The following COL4A2 variants were observed in gnomAD, a reference collection of about 807,000 sequenced individuals.
COL4A2 encodes collagen type IV alpha 2 chain.
A neutral mutation model predicts 200.2 loss-of-function variants in COL4A2; 99 were observed. The observed-to-expected ratio is 0.49, with a 90% CI of 0.42 to 0.58. COL4A2 has a LOEUF of 0.58. Among genes scored for constraint, COL4A2 ranks in the 20% least tolerant of loss-of-function variants. The pLI, the probability that COL4A2 is intolerant of heterozygous loss-of-function variation, is 0.00. For synonymous variants in COL4A2, 897 were observed against 900.6 expected, an observed-to-expected ratio of 1.00 and a Z score of 0.07; for missense variants, 1,950 against 2,314.1, an observed-to-expected ratio of 0.84 and a Z score of 3.23.
intron 40 of COL4A2, 119 bp from the exon 41 acceptor site, chr13:110,501,549 C>A: frequency 1.1e-6 from 1 of 926,628 alleles, no homozygotes; most frequent in Non-Finnish European, 1.7e-6. Context: ...GGGCACCTCC[C>A]ATCACTGTCT....
chr13:110,506,316 T>C (rs1388213767), intron 45 of COL4A2, 99 bp from the exon 46 acceptor site: 3 of 1,310,268 alleles, frequency 2.3e-6, no homozygotes, highest in African/African-American at 3.0e-5. Flanking sequence ...ACTCTCTCTC[T>C]CTCTCTCAGG....
intron 4 of COL4A2, among the ~76,000 whole-genome samples, chr13:110,421,431 G>A (rs1206668330): frequency 6.6e-6 from 1 of 152,180 alleles, no homozygotes; most frequent in Non-Finnish European, 1.5e-5. Flanking sequence ...CAGTGAATGA[G>A]GTAATGAACC....
At chr13:110,435,383 T>A (rs1337770690) in intron 12 of COL4A2, among the ~76,000 whole-genome samples, 1 of 152,122 alleles carries the variant, frequency 6.6e-6, no homozygotes, top group East Asian at 1.9e-4. Context: ...ATAATGGAGA[T>A]GAAGTTAGAG....
chr13:110,459,928 C>T (rs1178482482), intron 22 of COL4A2, among the ~76,000 whole-genome samples: 2 of 152,188 alleles, frequency 1.3e-5, no homozygotes, highest in South Asian at 2.1e-4. Flanking sequence ...CACACATCAG[C>T]TCATGGCCTT....
Position 110,478,021 on chromosome 13 carries a change from G to T in COL4A2, c.2444G>T (p.Gly815Val). ...PGFRGSQGMP[G>V]MPGLKGQPGL... ...CCTGCAGGAAGCCAAGGGATGCCTG[G>T]GATGCCAGGGCTGAAGGGCCAGCCA... Residue 815 changes from glycine (G) to valine (V), a missense_variant, in exon 30 of 48, where the codon GGG (glycine) becomes GTG (valine). Gly to Val is a moderately radical substitution (Grantham distance 109). This residue lies in a region of COL4A2 where 1,385 missense variants were observed against 1,720.5 expected (regional missense o/e 0.80). Transcript: ENST00000360467. 1 of 1,573,920 alleles carries T rather than the reference G, an allele frequency of 6.4e-7. No individual in the cohort carries two copies. Among genetic ancestry groups the T allele is most frequent in the Non-Finnish European group, 8.6e-7 (1 of 1,156,494 alleles).
chr13:110,312,297 C>T (rs552381602), intron 3 of COL4A2, among the ~76,000 whole-genome samples: 1 of 152,156 alleles, frequency 6.6e-6, no homozygotes, highest in South Asian at 2.1e-4. Flanking sequence ...GAAGGGTAAA[C>T]CGAAAAGCGC....
intron 28 of COL4A2, among the ~76,000 whole-genome samples, chr13:110,471,851 C>A (rs1283524445): frequency 1.3e-5 from 2 of 152,146 alleles, no homozygotes; most frequent in Non-Finnish European, 2.9e-5. Flanking sequence ...TTGATCTTGT[C>A]CCACAGAATC....
intron 40 of COL4A2, among the ~76,000 whole-genome samples, chr13:110,499,230 A>G (rs2004853): frequency 0.46 from 69,338 of 152,196 alleles, 16,817 homozygotes; most frequent in South Asian, 0.6. Context: ...AAGAAATACC[A>G]GAGACTGGGT....
In COL4A2 at chr13:110,485,843, G is replaced by T. The variant is rs1423209619; in HGVS notation, c.3207+7G>T. The stretch of plus-strand genomic sequence containing the variant: ...AGGATTCATAGGAAGCCGGGTGAGT[G>T]GGCGTCTTTTACTCCCCTTGTTCTG... On this transcript the variant is annotated splice_region_variant and intron_variant, in intron 34 of 47. Coordinates refer to ENST00000360467, the MANE Select transcript of COL4A2 (RefSeq NM_001846.4). 1 of 1,613,140 alleles carries T rather than the reference G, an allele frequency of 6.2e-7. No individual in the cohort carries two copies. Among genetic ancestry groups the T allele is most frequent in the Admixed American group, 1.7e-5 (1 of 59,892 alleles).
At chr13:110,314,157 G>A (rs1226072243) in intron 3 of COL4A2, among the ~76,000 whole-genome samples, 6 of 152,238 alleles carry the variant, frequency 3.9e-5, no homozygotes, top group African/African-American at 1.4e-4. Context: ...TCACAGAAAT[G>A]TGCCATAGTT....
Position 110,478,080 on chromosome 13 carries a change from T to TATGGGCCTCCAGGACTGC in COL4A2, c.2508_2525dup (p.Pro837_Gly842dup). ...AGGACCTTCCGGCCAGCCAGGCCTG[T>TATGGGCCTCCAGGACTGC]ATGGGCCTCCAGGACTGCATGGATT... is the stretch of plus-strand genomic sequence containing the variant. On this transcript the variant is annotated inframe_insertion, in exon 30 of 48. Transcript: ENST00000360467. The TATGGGCCTCCAGGACTGC allele has an allele frequency of 6.2e-7, 1 of 1,609,774 alleles. No individual in the cohort carries two copies. Among genetic ancestry groups the TATGGGCCTCCAGGACTGC allele is most frequent in the Non-Finnish European group, 8.5e-7 (1 of 1,177,706 alleles).
intron 16 of COL4A2, among the ~76,000 whole-genome samples, chr13:110,440,965 C>G (rs531968910): frequency 6.6e-6 from 1 of 152,214 alleles, no homozygotes; most frequent in African/African-American, 2.4e-5. Context: ...ACATCTGCCT[C>G]GTTCTTTAAA....
In COL4A2 at chr13:110,432,329, C is replaced by A; in HGVS notation, c.653C>A (p.Pro218Gln). ...GPVGAPGRPG[P>Q]PGPPGPKGQQ... is the part of the protein sequence containing the mutation. ...CATTTCTTTGTATTTGTACAGGGAC[C>A]ACCTGGACCCCCTGGACCAAAAGGA... Residue 218 changes from proline to glutamine, a missense_variant, in exon 11 of 48, where the codon CCA becomes CAA. Physicochemically the swap from Pro to Gln is moderately conservative, Grantham distance 76. Coordinates refer to ENST00000360467, the MANE Select transcript of COL4A2 (RefSeq NM_001846.4). The A allele has an allele frequency of 6.2e-7, 1 of 1,609,586 alleles. No individual in the cohort carries two copies. The highest frequency in any genetic ancestry group is 8.5e-7 in the Non-Finnish European group (1 of 1,178,316).
At position 110,485,773 on chromosome 13, in the gene COL4A2, A is replaced by G. The variant is rs1883099823; in HGVS notation, c.3144A>G (p.Pro1048=). The part of the protein sequence containing the change: ...DIGVPGIPGL[P]GFPGVAGPPG... ...GAGTCCCCGGCATCCCCGGTTTGCCAGGATTCCCTGGGGTGGCTGGCCCCC... is the reference window on the plus strand; with the variant it reads ...GAGTCCCCGGCATCCCCGGTTTGCCGGGATTCCCTGGGGTGGCTGGCCCCC... Residue 1048 remains proline (P), a synonymous_variant, in exon 34 of 48, where the codon CCA becomes CCG. Transcript: ENST00000360467. The G allele has an allele frequency of 2.5e-6, 4 of 1,613,786 alleles. No individual in the cohort carries two copies. In the East Asian group the frequency reaches 6.7e-5, roughly 27 times the overall value.
rs752237630 is a variant in COL4A2 at position 110,465,406 on chromosome 13, G to T, written c.1778G>T (p.Gly593Val). 6.2e-7 allele frequency: 1 copy of T among 1,605,164 alleles called. No individual in the cohort carries two copies. Among genetic ancestry groups the T allele is most frequent in the South Asian group, 1.1e-5 (1 of 89,450 alleles). Residue 593 changes from glycine to valine, a missense_variant and splice_region_variant, in exon 25 of 48, where the codon GGT (glycine) becomes GTT (valine). This residue lies in a region of COL4A2 where 1,385 missense variants were observed against 1,720.5 expected (regional missense o/e 0.80). Transcript: ENST00000360467. Reference sequence around the variant, plus strand: ...GAAATAAACTGAATTTTCACACAGGGTGATGGCATCAAGGGCCCTCCAGGG... The same window carrying T: ...GAAATAAACTGAATTTTCACACAGGTTGATGGCATCAAGGGCCCTCCAGGG... ...DGFPGLPGPPGDGIKGPPGDP... is the reference protein window; with the variant it reads ...DGFPGLPGPPVDGIKGPPGDP...
chr13:110,371,739 T>C (rs1391196865), intron 4 of COL4A2, among the ~76,000 whole-genome samples: 1 of 152,110 alleles, frequency 6.6e-6, no homozygotes. Flanking sequence ...GAGCATAGTG[T>C]AGGGCGGGCG....
At chr13:110,502,418 G>A (rs534191354) in intron 41 of COL4A2, among the ~76,000 whole-genome samples, 10 of 152,214 alleles carry the variant, frequency 6.6e-5, no homozygotes, top group South Asian at 2.1e-4. Flanking sequence ...TCCGCCTCCC[G>A]GGTTCAAGGA....
At chr13:110,382,428 T>A (rs1331825472) in intron 4 of COL4A2, among the ~76,000 whole-genome samples, 1 of 152,208 alleles carries the variant, frequency 6.6e-6, no homozygotes, top group Non-Finnish European at 1.5e-5. Context: ...ATGAATCACA[T>A]AGCAGTAAAT....
In COL4A2 at chr13:110,337,397, A is replaced by G. The variant is rs187787189; in HGVS notation, c.100-20075A>G. Among the ~76,000 whole-genome samples the G allele has an allele frequency of 2.2e-3, 342 of 152,376 alleles. 3 individuals carry two copies. Among genetic ancestry groups the G allele is most frequent in the Admixed American group, 6.6e-3 (101 of 15,312 alleles). On this transcript the variant is annotated intron_variant, in intron 3 of 47. Transcript: ENST00000360467. ...CAACAGCTGATGGGCAGTGGAGTCC[A>G]GAGTGATGGTCCCAGCAAGCGTTCC...
Sources: gnomAD v4.1 joint callset for allele counts (sites outside exome capture counted in the v4.1 genomes callset) on GRCh38, gnomAD v4.1.1 for gene constraint, gnomAD v4.1.1 regional missense constraint, MANE v1.5 for transcripts, NCBI Gene and HGNC (gene_info 2026-07-23, HGNC 2026-07-21) for gene names.